Variants in SRGAP1 observed in about 807,000 individuals in gnomAD.
The protein encoded by SRGAP1 is SLIT-ROBO Rho GTPase activating protein 1.
SRGAP1 carries 43 observed loss-of-function variants against 121.9 expected under a neutral mutation model. The ratio of observed to expected loss-of-function variants is 0.35; its 90% CI spans 0.28 to 0.46. The LOEUF is 0.46. Ranked by LOEUF, SRGAP1 falls within the 20% of genes least tolerant of loss-of-function variation. SRGAP1 has a pLI of 1.00. For synonymous variants in SRGAP1, 447 were observed against 485.4 expected, an observed-to-expected ratio of 0.92 and a Z score of 1.04; for missense variants, 1,102 against 1,350.9, an observed-to-expected ratio of 0.82 and a Z score of 2.89.
At chr12:63,949,442 T>C (rs1592973841) in intron 1 of SRGAP1, among the ~76,000 whole-genome samples, 2 of 137,252 alleles carry the variant, frequency 1.5e-5, no homozygotes. Context: ...ATTATTATTA[T>C]TTTGAGACGG....
chr12:63,877,176 A>G (rs978144473), intron 1 of SRGAP1, among the ~76,000 whole-genome samples: 3 of 152,200 alleles, frequency 2.0e-5, no homozygotes, highest in Non-Finnish European at 2.9e-5. Flanking sequence ...GTGAGCCGAG[A>G]TTGCGCCATT....
chr12:64,043,072 GA>G, intron 5 of SRGAP1, 100 bp downstream of exon 5: 1 of 822,402 alleles, frequency 1.2e-6, no homozygotes, highest in Non-Finnish European at 1.9e-6. Context: ...AAGTTATTGT[GA>G]AAAGACATGC....
chr12:64,146,310 G>GGATA lies in SRGAP1; in HGVS notation c.*3639_*3642dup, dbSNP rs1210076193. 2 of 151,940 alleles carry GGATA rather than the reference G, an allele frequency of 1.3e-5. No homozygotes were observed. The highest frequency in any genetic ancestry group is 1.3e-4 in the Admixed American group (2 of 15,268). 9.4% of individuals were successfully genotyped at this position (151,940 alleles called of 1,614,324 possible). ...GCAATGATCGTGAACAGTTATCAGTGGATATAGTGCTCCAAGAGTCAAATT... is the reference window on the plus strand; with the variant it reads ...GCAATGATCGTGAACAGTTATCAGTGGATAGATATAGTGCTCCAAGAGTCAAATT... On this transcript the variant is annotated 3_prime_UTR_variant, in exon 22 of 22. Coordinates refer to ENST00000355086, the MANE Select transcript of SRGAP1 (RefSeq NM_020762.4).
chr12:64,077,768 T>TA (rs1202093072), intron 8 of SRGAP1, among the ~76,000 whole-genome samples: 1 of 152,052 alleles, frequency 6.6e-6, no homozygotes, highest in Non-Finnish European at 1.5e-5. Context: ...AAAGAATTGA[T>TA]AAATGCATTA....
At chr12:63,986,292 A>G (rs564805821) in intron 2 of SRGAP1, among the ~76,000 whole-genome samples, 1 of 152,242 alleles carries the variant, frequency 6.6e-6, no homozygotes, top group Non-Finnish European at 1.5e-5. Context: ...AGGGTGAACA[A>G]ATGTTATATG....
rs1173793454 is a variant in SRGAP1, at chr12:64,043,765, C to T, written c.801+190C>T. 14 of 445,350 alleles carry T rather than the reference C, an allele frequency of 3.1e-5. No homozygotes were observed. The East Asian group carries it at 3.3e-4, about 10-fold the overall frequency. 27.6% of individuals were successfully genotyped at this position (445,350 alleles called of 1,614,324 possible). A position where few individuals can be genotyped will look rare whatever the true frequency, so the allele number is the denominator to read the frequency against. ...CATCTGTAAGATGCATGTGAAAAAG[C>T]GTGTATCCTAAAACCAATGAAAAAT... On this transcript the variant is annotated intron_variant, in intron 6 of 21. Coordinates refer to ENST00000355086, the MANE Select transcript of SRGAP1 (RefSeq NM_020762.4).
intron 1 of SRGAP1, among the ~76,000 whole-genome samples, chr12:63,949,400 TTATTATTATTATTATTA>T (rs2032211622): frequency 7.4e-5 from 1 of 13,538 alleles, no homozygotes; most frequent in South Asian, 2.3e-3. Context: ...TTATTATTTA[TTATTATTATTATTATTA>T]TTATTATTAT....
intron 1 of SRGAP1, among the ~76,000 whole-genome samples, chr12:63,860,702 G>A (rs1356717089): frequency 6.6e-6 from 1 of 152,086 alleles, no homozygotes; most frequent in Admixed American, 6.5e-5. Flanking sequence ...CTTGCCAGAA[G>A]TATGTTTATT....
chr12:64,101,317 G>GTGTGTGTGTC (rs2036252096), intron 15 of SRGAP1, among the ~76,000 whole-genome samples: 1 of 140,674 alleles, frequency 7.1e-6, no homozygotes, highest in Non-Finnish European at 1.5e-5. Context: ...GGGTGTGTGT[G>GTGTGTGTGTC]TGTGTGTGTG....
intron 1 of SRGAP1, among the ~76,000 whole-genome samples, chr12:63,883,696 TCG>T (rs1900271089): frequency 6.6e-6 from 1 of 150,916 alleles, no homozygotes; most frequent in Admixed American, 6.6e-5. Context: ...TCTCGCTCTG[TCG>T]CCCAGGCTGG....
At position 64,138,446 on chromosome 12, in the gene SRGAP1, CTTTTTTT is replaced by C. The variant is rs60769104; in HGVS notation, c.2881-3832_2881-3826del. Among the ~76,000 whole-genome samples the C allele has an allele frequency of 2.2e-4, 17 of 78,680 alleles. No homozygotes were observed. The East Asian group carries it at 5.5e-3, about 25-fold the overall frequency. The allele number at this position is 78,680 out of a possible 152,430, so 51.6% of individuals were successfully genotyped here. ...CCTTTTACTATCTGAAATAAATTGA[CTTTTTTT>C]TTTTTTTTTTTTTTTTGGAGATGGA... On this transcript the variant is annotated intron_variant, in intron 21 of 21. Coordinates refer to ENST00000355086, the MANE Select transcript of SRGAP1 (RefSeq NM_020762.4).
intron 6 of SRGAP1, among the ~76,000 whole-genome samples, chr12:64,054,197 G>A (rs1019346142): frequency 4.6e-5 from 7 of 152,282 alleles, no homozygotes; most frequent in African/African-American, 1.7e-4. Flanking sequence ...TTGAAAGCGT[G>A]AAAGATAAAT....
At chr12:64,094,813 T>G (rs1337648741) in intron 12 of SRGAP1, 119 bp from the exon 13 acceptor site, 1 of 923,896 alleles carries the variant, frequency 1.1e-6, no homozygotes, top group Non-Finnish European at 1.7e-6. Flanking sequence ...TGTATTTAAC[T>G]TGGTTTGCTC....
At chr12:64,115,269 C>A (rs1262724547) in intron 17 of SRGAP1, among the ~76,000 whole-genome samples, 52 of 152,232 alleles carry the variant, frequency 3.4e-4, no homozygotes, top group African/African-American at 1.3e-3. Flanking sequence ...TAATGCTATC[C>A]ATTTTTTACA....
At chr12:64,012,231 A>C (rs1333943641) in intron 3 of SRGAP1, among the ~76,000 whole-genome samples, 1 of 152,216 alleles carries the variant, frequency 6.6e-6, no homozygotes, top group African/African-American at 2.4e-5. Flanking sequence ...ATGACAATAA[A>C]CAGTAAACAA....
At chr12:63,936,283 G>C (rs2031659383) in intron 1 of SRGAP1, among the ~76,000 whole-genome samples, 2 of 152,054 alleles carry the variant, frequency 1.3e-5, no homozygotes, top group Non-Finnish European at 2.9e-5. Flanking sequence ...ATAATGATGA[G>C]ATTTCAAATT....
intron 1 of SRGAP1, among the ~76,000 whole-genome samples, chr12:63,962,096 C>T (rs2032658449): frequency 6.6e-6 from 1 of 152,148 alleles, no homozygotes; most frequent in Admixed American, 6.5e-5. Context: ...ACACTGGGTG[C>T]CCATACTGGC....
At chr12:63,849,671 C>T (rs1490561566) in intron 1 of SRGAP1, among the ~76,000 whole-genome samples, 2 of 152,224 alleles carry the variant, frequency 1.3e-5, no homozygotes, top group Admixed American at 6.5e-5. Flanking sequence ...CTGCATCTTA[C>T]ATTCTTTCTT....
At chr12:63,895,710 T>A (rs1476713578) in intron 1 of SRGAP1, among the ~76,000 whole-genome samples, 1 of 152,204 alleles carries the variant, frequency 6.6e-6, no homozygotes, top group African/African-American at 2.4e-5. Context: ...TCCTACAATG[T>A]CCGTAAAATG....
Sources: gnomAD v4.1 joint callset for allele counts (sites outside exome capture counted in the v4.1 genomes callset) on GRCh38, gnomAD v4.1.1 for gene constraint, MANE v1.5 for transcripts, NCBI Gene and HGNC (gene_info 2026-07-23, HGNC 2026-07-21) for gene names.